The following CPNE6 variants were observed in gnomAD, a reference collection of about 807,000 sequenced individuals.
CPNE6 encodes copine 6.
CPNE6 carries 33 observed loss-of-function variants against 71.5 expected under a neutral mutation model. The ratio of observed to expected loss-of-function variants is 0.46; its 90% CI spans 0.35 to 0.62. The LOEUF (loss-of-function observed/expected upper bound fraction) is 0.62. Among genes scored for constraint, CPNE6 ranks in the 20% least tolerant of loss-of-function variants. The pLI is 0.00. For synonymous variants in CPNE6, 296 were observed against 293.0 expected, an observed-to-expected ratio of 1.01 and a Z score of -0.10; for missense variants, 576 against 747.3, an observed-to-expected ratio of 0.77 and a Z score of 2.67.
chr14:24,073,167 G>C lies in CPNE6; in HGVS notation c.168+63G>C. 1 of 1,391,388 alleles carries C rather than the reference G, an allele frequency of 7.2e-7. No individual in the cohort carries two copies. The highest frequency in any genetic ancestry group is 9.3e-7 in the Non-Finnish European group (1 of 1,070,292). The allele number at this position is 1,391,388 out of a possible 1,614,324, so 86.2% of individuals were successfully genotyped here. Reference sequence around the variant, plus strand: ...TTAAGCTTGGGAAAGAGGGAGGCTGGGTGGGAGCAGTGAAAGCCTTGCAGG... The same window carrying C: ...TTAAGCTTGGGAAAGAGGGAGGCTGCGTGGGAGCAGTGAAAGCCTTGCAGG... On this transcript the variant is annotated intron_variant, in intron 3 of 17. Coordinates refer to ENST00000397016, the Ensembl canonical transcript of CPNE6. The surrounding 1 kb of genome is among the most constrained non-coding windows in gnomAD (Gnocchi z 5.5).
Position 24,077,508 on chromosome 14 carries a change from C to T in CPNE6, c.1537-85C>T, listed in dbSNP as rs776764618. The T allele has an allele frequency of 2.5e-6, 4 of 1,581,684 alleles. No homozygotes were observed. The East Asian group carries it at 9.0e-5, about 35-fold the overall frequency. ...AAGGACGCGGGAGCCCAGCTGGCCACCCTGAAGCCCCACTTCTCCCTCAGA... is the reference window on the plus strand; with the variant it reads ...AAGGACGCGGGAGCCCAGCTGGCCATCCTGAAGCCCCACTTCTCCCTCAGA... On this transcript the variant is annotated intron_variant, in intron 16 of 17. Coordinates refer to ENST00000397016, the Ensembl canonical transcript of CPNE6. This position sits in a 1 kb window ranked among gnomAD's most constrained non-coding sequence, Gnocchi z 6.1.
chr14:24,070,952 C>T (rs1221050439), exon 1 of CPNE6: 50 of 1,530,972 alleles, frequency 3.3e-5, no homozygotes, highest in Non-Finnish European at 4.1e-5. Context: ...GGACATCATT[C>T]TCAAAGCTAT....
chr14:24,077,367 G>T lies in CPNE6; in HGVS notation c.1513G>T (p.Val505Leu). The T allele has an allele frequency of 1.2e-6, 2 of 1,613,862 alleles. No individual in the cohort carries two copies. The highest frequency in any genetic ancestry group is 1.7e-6 in the Non-Finnish European group (2 of 1,179,964). Residue 505 changes from valine to leucine, a missense_variant, in exon 16 of 18, where the codon GTG (valine) becomes TTG (leucine). By Grantham distance (32) the Val-to-Leu change is conservative. Around this residue, in one of 4 missense-constraint regions of CPNE6, gnomAD observed 264 missense variants for 339.9 expected, o/e 0.78. Transcript: ENST00000397016. The surrounding 1 kb of genome is among the most constrained non-coding windows in gnomAD (Gnocchi z 6.1). ...TGCAGCCCGAGACATTGTCCAGTTCGTGCCCTTCCGAGACTTCAAGGATGT... is the reference window on the plus strand; with the variant it reads ...TGCAGCCCGAGACATTGTCCAGTTCTTGCCCTTCCGAGACTTCAAGGATGT...
At chr14:24,070,966 G>A (rs914430461) in exon 1 of CPNE6, 14 of 1,534,968 alleles carry the variant, frequency 9.1e-6, no homozygotes, top group Admixed American at 3.9e-5. Flanking sequence ...AAGCTATGAC[G>A]TTCAGCAAGG....
At position 24,076,333 on chromosome 14, in the gene CPNE6, G is replaced by T. The variant is rs747438119; in HGVS notation, c.1059-27G>T. 6 of 1,614,080 alleles carry T rather than the reference G, an allele frequency of 3.7e-6. No individual in the cohort carries two copies. The African/African-American group carries it at 8.0e-5, about 22-fold the overall frequency. ...ACAGGCAGGGAGGCCTTGCCCAACG[G>T]ATTCCACAGCTTTTTCTTCTCCCCA... On this transcript the variant is annotated intron_variant, in intron 12 of 17. Transcript: ENST00000397016.
In CPNE6 at chr14:24,073,175, C is replaced by G; in HGVS notation, c.168+71C>G. On this transcript the variant is annotated intron_variant, in intron 3 of 17. Coordinates refer to ENST00000397016, the Ensembl canonical transcript of CPNE6. The surrounding 1 kb of genome is among the most constrained non-coding windows in gnomAD (Gnocchi z 5.5). Reference sequence around the variant, plus strand: ...GGGAAAGAGGGAGGCTGGGTGGGAGCAGTGAAAGCCTTGCAGGGAAATGTG... The same window carrying G: ...GGGAAAGAGGGAGGCTGGGTGGGAGGAGTGAAAGCCTTGCAGGGAAATGTG... 7.3e-7 allele frequency: 1 copy of G among 1,373,810 alleles called. No individual in the cohort carries two copies. The highest frequency in any genetic ancestry group is 9.5e-7 in the Non-Finnish European group (1 of 1,057,448). 85.1% of individuals were successfully genotyped at this position (1,373,810 alleles called of 1,614,324 possible).
At chr14:24,071,501 G>GCGCGC in intron 1 of CPNE6, 61 bp from the exon 1 acceptor site, 1 of 1,416,696 alleles carries the variant, frequency 7.1e-7, no homozygotes, top group Non-Finnish European at 9.3e-7. Flanking sequence ...CTGGTGCTGC[G>GCGCGC]CCCCCCCCCA....
intron 2 of CPNE6, chr14:24,072,553 C>A (rs1047276061): frequency 1.6e-4 from 27 of 172,346 alleles, no homozygotes; most frequent in Admixed American, 1.4e-3. Context: ...CTCCCTCGTG[C>A]CAAGACTGAG....
Position 24,071,551 on chromosome 14 carries a change from G to A in CPNE6, c.-95G>A. ...GGCCCCATAAATAGCAGCAGAGCCG[G>A]AGCTGGAGCCGGCGCCAGCGGCTGG... is the stretch of plus-strand genomic sequence containing the variant. On this transcript the variant is annotated 5_prime_UTR_variant, in exon 2 of 18. Transcript: ENST00000397016. 1 of 1,311,392 alleles carries A rather than the reference G, an allele frequency of 7.6e-7. No homozygotes were observed. Among genetic ancestry groups the A allele is most frequent in the East Asian group, 4.1e-5 (1 of 24,674 alleles). 81.2% of individuals were successfully genotyped at this position (1,311,392 alleles called of 1,614,324 possible). A position where few individuals can be genotyped will look rare whatever the true frequency, so the allele number is the denominator to read the frequency against.
chr14:24,073,178 T>C lies in CPNE6; in HGVS notation c.168+74T>C. On this transcript the variant is annotated intron_variant, in intron 3 of 17. Transcript: ENST00000397016. This position sits in a 1 kb window ranked among gnomAD's most constrained non-coding sequence, Gnocchi z 5.5. ...AAAGAGGGAGGCTGGGTGGGAGCAG[T>C]GAAAGCCTTGCAGGGAAATGTGTGG... The C allele has an allele frequency of 5.8e-6, 8 of 1,370,380 alleles. No homozygotes were observed. The highest frequency in any genetic ancestry group is 7.6e-6 in the Non-Finnish European group (8 of 1,055,010). The allele number at this position is 1,370,380 out of a possible 1,614,324, so 84.9% of individuals were successfully genotyped here.
At chr14:24,072,900 C>G in intron 2 of CPNE6, 33 bp from the exon 2 acceptor site, 1 of 1,474,386 alleles carries the variant, frequency 6.8e-7, no homozygotes, top group Non-Finnish European at 9.0e-7. Context: ...TGTTCCCTTT[C>G]CAGAGTCCAG....
exon 2 of CPNE6, chr14:24,071,539 G>C: frequency 2.5e-6 from 2 of 784,488 alleles, no homozygotes; most frequent in Non-Finnish European, 3.4e-6. Context: ...CCCATAAATA[G>C]CAGCAGAGCC....
chr14:24,073,791 TC>T lies in CPNE6; in HGVS notation c.348+116del. On this transcript the variant is annotated intron_variant, in intron 4 of 17. Coordinates refer to ENST00000397016, the Ensembl canonical transcript of CPNE6. The surrounding 1 kb of genome is among the most constrained non-coding windows in gnomAD (Gnocchi z 5.5). ...AGAGCTAGTTCAACCCAGCCTTGGCTCCCATCTCTGCCATTCACTAGCTGTG... is the reference window on the plus strand; with the variant it reads ...AGAGCTAGTTCAACCCAGCCTTGGCTCCATCTCTGCCATTCACTAGCTGTG... The T allele has an allele frequency of 1.7e-6, 2 of 1,176,814 alleles. No homozygotes were observed. Among genetic ancestry groups the T allele is most frequent in the Non-Finnish European group, 1.2e-6 (1 of 837,412 alleles). The allele number at this position is 1,176,814 out of a possible 1,614,324, so 72.9% of individuals were successfully genotyped here. A position where few individuals can be genotyped will look rare whatever the true frequency, so the allele number is the denominator to read the frequency against.
At position 24,074,745 on chromosome 14, in the gene CPNE6, C is replaced by A. The variant is rs755460754; in HGVS notation, c.622C>A (p.Arg208Ser). 5.6e-6 allele frequency: 9 copies of A among 1,613,928 alleles called. No homozygotes were observed. Among genetic ancestry groups the A allele is most frequent in the Non-Finnish European group, 7.6e-6 (9 of 1,179,996 alleles). ...CCTGAACCCCAGCTGGGAGCCGTTC[C>A]GCCTGTCCCTGCATTCCCTATGCAG... is the stretch of plus-strand genomic sequence containing the variant. Residue 208 changes from arginine to serine, a missense_variant, in exon 8 of 18, where the codon CGC (arginine) becomes AGC (serine). Arg to Ser is a moderately radical substitution (Grantham distance 110, BLOSUM62 -1). Transcript: ENST00000397016. The surrounding 1 kb of genome is among the most constrained non-coding windows in gnomAD (Gnocchi z 4.5).
chr14:24,076,401 C>T, exon 13 of CPNE6: 1 of 1,614,172 alleles, frequency 6.2e-7, no homozygotes, highest in Non-Finnish European at 8.5e-7. Context: ...GCTCGAATCC[C>T]CCCCAACTTC....
In CPNE6 at chr14:24,077,665, C is replaced by A. The variant is rs2036139762; in HGVS notation, c.1609C>A (p.Gln537Lys). 6.3e-7 allele frequency: 1 copy of A among 1,594,590 alleles called. No homozygotes were observed. The highest frequency in any genetic ancestry group is 2.2e-5 in the East Asian group (1 of 44,686). ...GCAGGTGGTGGAGTACTACGCCAGC[C>A]AGGGCATCAGCCCTGGGGCTCCCAG... is the stretch of plus-strand genomic sequence containing the variant. Residue 537 changes from glutamine to lysine, a missense_variant, in exon 17 of 18, where the codon CAG (glutamine) becomes AAG (lysine). Gln to Lys is a moderately conservative substitution (Grantham distance 53). This residue lies in a region of CPNE6 where 264 missense variants were observed against 339.9 expected (regional missense o/e 0.78). Coordinates refer to ENST00000397016, the Ensembl canonical transcript of CPNE6. The surrounding 1 kb of genome is among the most constrained non-coding windows in gnomAD (Gnocchi z 6.1).
chr14:24,077,490 C>A lies in CPNE6; in HGVS notation c.1536+100C>A, dbSNP rs747191640. The A allele has an allele frequency of 1.3e-6, 2 of 1,565,326 alleles. No individual in the cohort carries two copies. Among genetic ancestry groups the A allele is most frequent in the East Asian group, 2.2e-5 (1 of 44,566 alleles). Reference sequence around the variant, plus strand: ...ACCATTTGATGTCCTGCTAAGGACGCGGGAGCCCAGCTGGCCACCCTGAAG... The same window carrying A: ...ACCATTTGATGTCCTGCTAAGGACGAGGGAGCCCAGCTGGCCACCCTGAAG... On this transcript the variant is annotated intron_variant, in intron 16 of 17. Transcript: ENST00000397016. The surrounding 1 kb of genome is among the most constrained non-coding windows in gnomAD (Gnocchi z 6.1).
chr14:24,075,707 C>T lies in CPNE6; in HGVS notation c.864+116C>T. 7.4e-7 allele frequency: 1 copy of T among 1,347,642 alleles called. No individual in the cohort carries two copies. The highest frequency in any genetic ancestry group is 1.0e-6 in the Non-Finnish European group (1 of 956,650). The allele number at this position is 1,347,642 out of a possible 1,614,324, so 83.5% of individuals were successfully genotyped here. A position where few individuals can be genotyped will look rare whatever the true frequency, so the allele number is the denominator to read the frequency against. On this transcript the variant is annotated intron_variant, in intron 10 of 17. Transcript: ENST00000397016. The surrounding 1 kb of genome is among the most constrained non-coding windows in gnomAD (Gnocchi z 4.3). ...TTCTCTGCTTCTGGGAACTGGAAAC[C>T]ACCCCCAACTGCAACCCAAAAAACT...
chr14:24,075,970 C>T lies in CPNE6; in HGVS notation c.924+84C>T, dbSNP rs1403192869. On this transcript the variant is annotated intron_variant, in intron 11 of 17. Transcript: ENST00000397016. This position sits in a 1 kb window ranked among gnomAD's most constrained non-coding sequence, Gnocchi z 4.3. ...GGAAGGAGCCCAGAATCTCCACTGC[C>T]CCAACTTGGGCTGCTCATGAGCCTT... 9.6e-6 allele frequency: 15 copies of T among 1,560,344 alleles called. No homozygotes were observed. Among genetic ancestry groups the T allele is most frequent in the Non-Finnish European group, 1.3e-5 (15 of 1,133,676 alleles).
Sources: allele counts gnomAD v4.1 joint callset, GRCh38; gene constraint gnomAD v4.1.1; regional missense constraint gnomAD v4.1.1; non-coding constraint Gnocchi (gnomAD v3.1); transcripts MANE v1.5; gene names NCBI Gene and HGNC (gene_info 2026-07-23, HGNC 2026-07-21).